Variants in KAT6A observed in about 807,000 individuals in gnomAD.
KAT6A encodes the protein lysine acetyltransferase 6A.
In KAT6A, 9 loss-of-function variants were observed where a neutral mutation model predicts 198.4. The ratio of observed to expected loss-of-function variants is 0.05; its 90% CI spans 0.03 to 0.08. The LOEUF (loss-of-function observed/expected upper bound fraction) is 0.08. Ranked by LOEUF, KAT6A falls within the 10% of genes least tolerant of loss-of-function variation. The pLI is 1.00. For synonymous variants in KAT6A, 890 were observed against 883.0 expected (o/e 1.01, Z -0.14); for missense variants, 2,077 against 2,509.9 (o/e 0.83, Z 3.69).
In KAT6A at chr8:41,931,942, T is replaced by G. The variant is rs1002572022; in HGVS notation, c.*263A>C. ...TTTAATTATGAAAAGATTTTGTGCA[T>G]GTTTCCCCATCCCCAAATCCATTTT... On this transcript the variant is annotated 3_prime_UTR_variant, in exon 17 of 17. Coordinates refer to ENST00000265713, the MANE Select transcript of KAT6A (RefSeq NM_006766.5). The G allele has an allele frequency of 5.8e-5, 18 of 312,680 alleles. No individual in the cohort carries two copies. Among genetic ancestry groups the G allele is most frequent in the South Asian group, 1.5e-4 (1 of 6,758 alleles). The allele number at this position is 312,680 out of a possible 1,614,324, so 19.4% of individuals were successfully genotyped here.
Position 41,937,253 on chromosome 8 carries a change from T to C in KAT6A, c.3352+3A>G, listed in dbSNP as rs377106453. The C allele has an allele frequency of 1.8e-5, 29 of 1,609,852 alleles. No homozygotes were observed. In the Admixed American group the frequency reaches 3.2e-4, roughly 18 times the overall value. ...CACAGTAAGTGAGTTCTGTAAAACATACCATCAGCATCATCTGACTCTTCA... is the reference window on the plus strand; with the variant it reads ...CACAGTAAGTGAGTTCTGTAAAACACACCATCAGCATCATCTGACTCTTCA... On this transcript the variant is annotated splice_donor_region_variant and intron_variant, in intron 16 of 16. Transcript: ENST00000265713.
intron 8 of KAT6A, among the ~76,000 whole-genome samples, chr8:41,960,596 C>T (rs1304444110): frequency 6.6e-6 from 1 of 151,178 alleles, no homozygotes; most frequent in Non-Finnish European, 1.5e-5. Flanking sequence ...TTTCAGGACT[C>T]CTTAAATTTC....
rs1007263595 is a variant in KAT6A, at chr8:41,961,304, C to T, written c.1483-5893G>A. Among the ~76,000 whole-genome samples, 4 of 152,252 alleles carry T rather than the reference C, an allele frequency of 2.6e-5. No homozygotes were observed. The South Asian group carries it at 6.2e-4, about 24-fold the overall frequency. On this transcript the variant is annotated intron_variant, in intron 8 of 16. Coordinates refer to ENST00000265713, the MANE Select transcript of KAT6A (RefSeq NM_006766.5). ...GCTAAAGATTGAGCTCCTAAGCCCA[C>T]GGCTTCCGTTTGTGCATGAGATAAC...
intron 2 of KAT6A, among the ~76,000 whole-genome samples, chr8:42,009,620 C>T (rs1825913572): frequency 1.3e-5 from 2 of 151,578 alleles, no homozygotes; most frequent in Non-Finnish European, 2.9e-5. Flanking sequence ...TTTGTCAGGC[C>T]AGGTGCAGTG....
At chr8:41,936,432 G>A (rs1821859764) in intron 16 of KAT6A, among the ~76,000 whole-genome samples, 1 of 152,194 alleles carries the variant, frequency 6.6e-6, no homozygotes, top group Non-Finnish European at 1.5e-5. Flanking sequence ...GACTGGACAA[G>A]TAGATTTCTT....
Position 41,933,332 on chromosome 8 carries a change from A to G in KAT6A, c.4888T>C (p.Cys1630Arg). ...CAGCTCTGAGGTGACTTGATGCTGC[A>G]GTTGGCAGCAGGCTGGACGCTGCTC... ...QQSSVQPAANCSIKSPQSCVV... is the reference protein window; with the variant it reads ...QQSSVQPAANRSIKSPQSCVV... The change falls in exon 17 of 17, where the codon TGC (cysteine) becomes CGC (arginine). Residue 1630 changes from cysteine (C) to arginine (R), a missense_variant. Coordinates refer to ENST00000265713, the MANE Select transcript of KAT6A (RefSeq NM_006766.5). This position sits in a 1 kb window ranked among gnomAD's most constrained non-coding sequence, Gnocchi z 6.2. The G allele has an allele frequency of 6.3e-7, 1 of 1,575,312 alleles. No individual in the cohort carries two copies. Among genetic ancestry groups the G allele is most frequent in the South Asian group, 1.2e-5 (1 of 86,218 alleles).
intron 3 of KAT6A, among the ~76,000 whole-genome samples, chr8:41,983,113 C>T (rs1205401005): frequency 2.0e-5 from 3 of 152,230 alleles, no homozygotes; most frequent in Admixed American, 2.0e-4. Context: ...GCTTCCTCTT[C>T]CAAGAGTCAG....
chr8:42,040,662 G>T (rs764058635), intron 2 of KAT6A, among the ~76,000 whole-genome samples: 1 of 145,738 alleles, frequency 6.9e-6, no homozygotes, highest in African/African-American at 2.6e-5. Context: ...CTGAACCCAG[G>T]AGGCGGAGGC....
At chr8:41,940,212 A>G (rs1175077922) in intron 15 of KAT6A, among the ~76,000 whole-genome samples, 1 of 152,258 alleles carries the variant, frequency 6.6e-6, no homozygotes, top group Non-Finnish European at 1.5e-5. Flanking sequence ...ACGGCTTAAC[A>G]GAATTCATTA....
chr8:41,995,686 T>C (rs1825165845), intron 2 of KAT6A, among the ~76,000 whole-genome samples: 1 of 150,320 alleles, frequency 6.7e-6, no homozygotes, highest in African/African-American at 2.4e-5. Flanking sequence ...TTTTTTTTTT[T>C]TTTTTTTGAG....
Position 41,974,800 on chromosome 8 carries a change from G to C in KAT6A, c.1386C>G (p.Gly462=). Residue 462 remains glycine (G), a synonymous_variant, in exon 8 of 17, where the codon GGC becomes GGG. Coordinates refer to ENST00000265713, the MANE Select transcript of KAT6A (RefSeq NM_006766.5). ...AAAGTCGCTCCTCATTTTCTTGTTTGCCATCCCAGCCATCCTGATTGTCTA... is the reference window on the plus strand; with the variant it reads ...AAAGTCGCTCCTCATTTTCTTGTTTCCCATCCCAGCCATCCTGATTGTCTA... The part of the protein sequence containing the change: ...WPTDNQDGWD[G]KQENEERLFG... The C allele has an allele frequency of 6.2e-7, 1 of 1,608,670 alleles. No homozygotes were observed. The highest frequency in any genetic ancestry group is 8.5e-7 in the Non-Finnish European group (1 of 1,176,572).
chr8:41,989,556 G>GTGACGTGACA (rs1363467766), intron 2 of KAT6A, among the ~76,000 whole-genome samples: 2 of 151,920 alleles, frequency 1.3e-5, no homozygotes, highest in Non-Finnish European at 2.9e-5. Context: ...GTGACGTGAC[G>GTGACGTGACA]TGACGTAACA....
chr8:41,935,769 T>A (rs1473788266), intron 16 of KAT6A, among the ~76,000 whole-genome samples: 1 of 152,192 alleles, frequency 6.6e-6, no homozygotes, highest in African/African-American at 2.4e-5. Context: ...AATGGCTGCA[T>A]CAGCAAAAAT....
At chr8:42,003,407 GT>G (rs1825590391) in intron 2 of KAT6A, among the ~76,000 whole-genome samples, 5 of 151,390 alleles carry the variant, frequency 3.3e-5, no homozygotes, top group African/African-American at 1.2e-4. Flanking sequence ...TCTCAGCTCT[GT>G]GGAGCCCCTC....
intron 2 of KAT6A, among the ~76,000 whole-genome samples, chr8:42,026,032 T>C (rs1219784307): frequency 2.6e-5 from 4 of 152,216 alleles, no homozygotes; most frequent in African/African-American, 9.7e-5. Flanking sequence ...ATTAAAGAGA[T>C]TGTCCTTTCA....
chr8:41,959,086 AG>A (rs1386166514), intron 8 of KAT6A, among the ~76,000 whole-genome samples: 1 of 148,074 alleles, frequency 6.8e-6, no homozygotes, highest in Admixed American at 6.8e-5. Flanking sequence ...GGGTGAACCC[AG>A]GAGGCAGAGC....
In KAT6A at chr8:42,013,594, T is replaced by C. The variant is rs756691294; in HGVS notation, c.601-26031A>G. ...ACACATATGTATGGTCACTTCTGTA[T>C]TCATCAGCATTTAAACACAATATAT... On this transcript the variant is annotated intron_variant, in intron 2 of 16. Coordinates refer to ENST00000265713, the MANE Select transcript of KAT6A (RefSeq NM_006766.5). Among the ~76,000 whole-genome samples, 4 of 152,254 alleles carry C rather than the reference T, an allele frequency of 2.6e-5. No homozygotes were observed. In the South Asian group the frequency reaches 8.3e-4, roughly 31 times the overall value.
rs1259337036 is a variant in KAT6A at position 41,930,805 on chromosome 8, G to A, written c.*1400C>T. On this transcript the variant is annotated 3_prime_UTR_variant, in exon 17 of 17. Transcript: ENST00000265713. ...AAGAGAATGGGCAAACTGGTTGCAC[G>A]AGAGAAAAGAGAATGGAGTTGGGAG... 9 of 175,652 alleles carry A rather than the reference G, an allele frequency of 5.1e-5. No individual in the cohort carries two copies. The South Asian group carries it at 6.4e-4, about 13-fold the overall frequency. The allele number at this position is 175,652 out of a possible 1,614,324, so 10.9% of individuals were successfully genotyped here.
chr8:42,001,944 T>C lies in KAT6A; in HGVS notation c.601-14381A>G, dbSNP rs374320163. Among the ~76,000 whole-genome samples, 135 of 152,324 alleles carry C rather than the reference T, an allele frequency of 8.9e-4. 1 individual carries two copies. Among genetic ancestry groups the C allele is most frequent in the Middle Eastern group, 6.8e-3 (2 of 294 alleles). ...TTGTTTTTAGTTTTAATGGAAAAGC[T>C]TCACTATTTACCCCAATTATAAAAT... On this transcript the variant is annotated intron_variant, in intron 2 of 16. Coordinates refer to ENST00000265713, the MANE Select transcript of KAT6A (RefSeq NM_006766.5).
Sources: gnomAD v4.1 joint callset for allele counts (sites outside exome capture counted in the v4.1 genomes callset) on GRCh38, gnomAD v4.1.1 for gene constraint, Gnocchi (gnomAD v3.1) non-coding constraint, MANE v1.5 for transcripts, NCBI Gene and HGNC (gene_info 2026-07-23, HGNC 2026-07-21) for gene names.